GSDME: variants seen among roughly 807,000 people sequenced by gnomAD.
The protein encoded by GSDME is gasdermin E.
GSDME carries 44 observed loss-of-function variants against 47.5 expected under a neutral mutation model. The ratio of observed to expected loss-of-function variants is 0.93; its 90% CI spans 0.73 to 1.19. GSDME has a LOEUF of 1.19. Ranked by LOEUF, GSDME falls within the 50% of genes most tolerant of loss-of-function variation. GSDME has a pLI of 0.00. For missense variants in GSDME, 663 were observed against 604.2 expected (o/e 1.10, Z -1.02); for synonymous variants, 258 against 252.8 (o/e 1.02, Z -0.20).
At chr7:24,783,418 G>A in the GSDME span, among the ~76,000 whole-genome samples, 1 of 152,142 alleles carries the variant, frequency 6.6e-6, no homozygotes, top group Non-Finnish European at 1.5e-5. Flanking sequence ...AGCAACCAGC[G>A]ATCCCCACAA....
intron 2 of GSDME, among the ~76,000 whole-genome samples, chr7:24,749,345 T>C (rs1046110601): frequency 8.6e-5 from 13 of 151,752 alleles, no homozygotes; most frequent in Non-Finnish European, 1.6e-4. Context: ...CTACTAAAAA[T>C]ACAAAAATTA....
At position 24,725,747 on chromosome 7, in the gene GSDME, T is replaced by C. The variant is rs1396323944; in HGVS notation, c.405-6529A>G. Among the ~76,000 whole-genome samples, 2 of 152,196 alleles carry C rather than the reference T, an allele frequency of 1.3e-5. No homozygotes were observed. The highest frequency in any genetic ancestry group is 2.9e-5 in the Non-Finnish European group (2 of 68,030). ...ACTGATTAGGTCAGGGGTCAATCTT[T>C]AACGACCAGGCCCAGGGTGTGACGC... On this transcript the variant is annotated intron_variant, in intron 3 of 9. Coordinates refer to ENST00000645220, the MANE Select transcript of GSDME (RefSeq NM_001127453.2). This position sits in a 1 kb window ranked among gnomAD's most constrained non-coding sequence, Gnocchi z 5.1.
the GSDME span, among the ~76,000 whole-genome samples, chr7:24,775,605 G>A: frequency 2.0e-5 from 3 of 152,070 alleles, no homozygotes; most frequent in Non-Finnish European, 4.4e-5. Flanking sequence ...GGTGGCTCAC[G>A]CCTGTAATCC....
intron 5 of GSDME, among the ~76,000 whole-genome samples, chr7:24,715,328 G>A (rs575628685): frequency 6.6e-6 from 1 of 152,254 alleles, no homozygotes; most frequent in South Asian, 2.1e-4. Flanking sequence ...TTGCTGAGAG[G>A]GTGGACAGTA....
In GSDME at chr7:24,733,147, A is replaced by G. The variant is rs1409960256; in HGVS notation, c.404+11415T>C. ...GCCCCCACTGCAGACCCTAGCTGCC[A>G]GACATTTCTAGAAACACCCTGAGCC... On this transcript the variant is annotated intron_variant, in intron 3 of 9. Transcript: ENST00000645220. This position sits in a 1 kb window ranked among gnomAD's most constrained non-coding sequence, Gnocchi z 4.3. Among the ~76,000 whole-genome samples, 5 of 152,112 alleles carry G rather than the reference A, an allele frequency of 3.3e-5. No homozygotes were observed. The highest frequency in any genetic ancestry group is 5.9e-5 in the Non-Finnish European group (4 of 68,012).
At chr7:24,788,311 G>A in the GSDME span, among the ~76,000 whole-genome samples, 1,494 of 152,340 alleles carry the variant, frequency 9.8e-3, 34 homozygotes, top group Admixed American at 0.06. This position sits in a 1 kb window ranked among gnomAD's most constrained non-coding sequence, Gnocchi z 4.6. Context: ...CAGGGCCTGG[G>A]ATAGTTCTTC....
the GSDME span, among the ~76,000 whole-genome samples, chr7:24,786,684 G>A: frequency 6.6e-6 from 1 of 152,214 alleles, no homozygotes; most frequent in Non-Finnish European, 1.5e-5. The surrounding 1 kb of genome is among the most constrained non-coding windows in gnomAD (Gnocchi z 5.5). Context: ...TAGTCTAAAT[G>A]GGTACAGAGT....
chr7:24,795,218 A>G, the GSDME span, among the ~76,000 whole-genome samples: 2 of 152,130 alleles, frequency 1.3e-5, no homozygotes, highest in East Asian at 3.9e-4. Context: ...ACCCAGCTGA[A>G]AGCACTCTCA....
Position 24,745,507 on chromosome 7 carries a change from A to G in GSDME, c.212-753T>C, listed in dbSNP as rs192269184. 6.6e-6 allele frequency among the ~76,000 whole-genome samples: 1 copy of G among 152,332 alleles called. No homozygotes were observed. The highest frequency in any genetic ancestry group is 2.4e-5 in the African/African-American group (1 of 41,574). ...TGACTTCCTGATAAGGTCAGTGGAC[A>G]TGCCCTTTTTAAAATGATAAATGTC... On this transcript the variant is annotated intron_variant, in intron 2 of 9. Transcript: ENST00000645220. This position sits in a 1 kb window ranked among gnomAD's most constrained non-coding sequence, Gnocchi z 4.4.
At chr7:24,784,844 G>A in the GSDME span, among the ~76,000 whole-genome samples, 1 of 152,144 alleles carries the variant, frequency 6.6e-6, no homozygotes, top group East Asian at 1.9e-4. Flanking sequence ...ACAGGTGTGA[G>A]CCACCGCGCC....
the GSDME span, among the ~76,000 whole-genome samples, chr7:24,779,498 GGT>G: frequency 0.01 from 1,480 of 142,912 alleles, 13 homozygotes; most frequent in Non-Finnish European, 0.015. The surrounding 1 kb of genome is among the most constrained non-coding windows in gnomAD (Gnocchi z 6.0). Flanking sequence ...AGTGATACAT[GGT>G]GTGTGTGTGT....
the GSDME span, among the ~76,000 whole-genome samples, chr7:24,776,272 G>A: frequency 1.3e-5 from 2 of 152,004 alleles, no homozygotes; most frequent in South Asian, 2.1e-4. Context: ...ACGTGGTGGC[G>A]GTACTTCTAA....
chr7:24,794,285 CT>C, the GSDME span, among the ~76,000 whole-genome samples: 8 of 92,474 alleles, frequency 8.7e-5, no homozygotes, highest in South Asian at 4.3e-4. Context: ...TCTTTCCTCT[CT>C]CTCTCTTTCT....
At chr7:24,790,313 T>G in the GSDME span, among the ~76,000 whole-genome samples, 1 of 152,218 alleles carries the variant, frequency 6.6e-6, no homozygotes, top group South Asian at 2.1e-4. This position sits in a 1 kb window ranked among gnomAD's most constrained non-coding sequence, Gnocchi z 4.1. Flanking sequence ...GGGTCCCATA[T>G]CCCCATGAGC....
At chr7:24,699,327 C>A in intron 9 of GSDME, 68 bp from the exon 10 acceptor site, 1 of 1,199,742 alleles carries the variant, frequency 8.3e-7, no homozygotes. Context: ...GATAGTAATG[C>A]ACTTGTAGGT....
the GSDME span, among the ~76,000 whole-genome samples, chr7:24,788,381 C>T: frequency 6.9e-6 from 1 of 144,180 alleles, no homozygotes; most frequent in East Asian, 2.1e-4. The surrounding 1 kb of genome is among the most constrained non-coding windows in gnomAD (Gnocchi z 4.6). Flanking sequence ...CTGTAGCTCC[C>T]GATGGCTGTC....
In GSDME at chr7:24,730,720, C is replaced by T. The variant is rs182168339; in HGVS notation, c.405-11502G>A. Among the ~76,000 whole-genome samples the T allele has an allele frequency of 7.1e-3, 1,073 of 152,134 alleles. 11 individuals are homozygous for T. Among genetic ancestry groups the T allele is most frequent in the African/African-American group, 0.024 (1,003 of 41,486 alleles). On this transcript the variant is annotated intron_variant, in intron 3 of 9. Transcript: ENST00000645220. ...GTCCCAGCTACTTGGGAGGCTGAGGCGGGAGAATTGCTTGAACCCAGGAAG... is the reference window on the plus strand; with the variant it reads ...GTCCCAGCTACTTGGGAGGCTGAGGTGGGAGAATTGCTTGAACCCAGGAAG...
At chr7:24,707,643 A>G in intron 7 of GSDME, 1 of 357,022 alleles carries the variant, frequency 2.8e-6, no homozygotes, top group Non-Finnish European at 5.4e-6. Context: ...TGGGCCCTAA[A>G]TCCAATGATG....
Position 24,744,186 on chromosome 7 carries a change from C to A in GSDME, c.404+376G>T. ...TTACGCGCCTCTCACTTGCTTTCTT[C>A]TTTTTTTCATCAGAAAATTATAGAG... On this transcript the variant is annotated intron_variant, in intron 3 of 9. Coordinates refer to ENST00000645220, the MANE Select transcript of GSDME (RefSeq NM_001127453.2). The surrounding 1 kb of genome is among the most constrained non-coding windows in gnomAD (Gnocchi z 4.5). The A allele has an allele frequency of 4.1e-6, 1 of 242,472 alleles. No homozygotes were observed. Among genetic ancestry groups the A allele is most frequent in the Non-Finnish European group, 8.1e-6 (1 of 123,504 alleles). 15.0% of individuals were successfully genotyped at this position (242,472 alleles called of 1,614,324 possible).
Sources: allele counts gnomAD v4.1 joint callset (sites outside exome capture counted in the v4.1 genomes callset), GRCh38; gene constraint gnomAD v4.1.1; non-coding constraint Gnocchi (gnomAD v3.1); transcripts MANE v1.5; gene names NCBI Gene and HGNC (gene_info 2026-07-23, HGNC 2026-07-21).